Variants in TOP6BL observed in about 807,000 individuals in gnomAD.
The protein encoded by TOP6BL is type 2 DNA topoisomerase 6 subunit B-like.
chr11:66,820,765 G>A, the TOP6BL span, among the ~76,000 whole-genome samples: 1 of 152,116 alleles, frequency 6.6e-6, no homozygotes, highest in African/African-American at 2.4e-5. Flanking sequence ...TGGGATTGTT[G>A]TTTATAGTAC....
At chr11:66,838,399 G>A in the TOP6BL span, 6 of 1,613,802 alleles carry the variant, frequency 3.7e-6, no homozygotes, top group East Asian at 1.1e-4. Flanking sequence ...ACTCAGCCCA[G>A]GGCACTGAGG....
the TOP6BL span, among the ~76,000 whole-genome samples, chr11:66,757,709 C>G: frequency 6.6e-6 from 1 of 152,108 alleles, no homozygotes; most frequent in African/African-American, 2.4e-5. Flanking sequence ...GCCTCAGTCT[C>G]CCAAGTAGCT....
the TOP6BL span, among the ~76,000 whole-genome samples, chr11:66,770,937 C>T: frequency 1.7e-4 from 26 of 152,150 alleles, 1 homozygote; most frequent in South Asian, 5.2e-3. Flanking sequence ...TATTTCCAAG[C>T]TGCCAAGTGT....
chr11:66,781,299 A>G, the TOP6BL span, among the ~76,000 whole-genome samples: 1,352 of 151,744 alleles, frequency 8.9e-3, 22 homozygotes, highest in African/African-American at 0.03. Context: ...GTCTTCAGTG[A>G]TTTTACTGAC....
the TOP6BL span, among the ~76,000 whole-genome samples, chr11:66,764,026 T>C: frequency 2.0e-5 from 3 of 152,210 alleles, no homozygotes; most frequent in Non-Finnish European, 2.9e-5. Flanking sequence ...TGTGCTCCAC[T>C]TAAAGGTAGT....
chr11:66,804,283 T>A, the TOP6BL span: 1 of 982,094 alleles, frequency 1.0e-6, no homozygotes, highest in South Asian at 1.9e-5. Flanking sequence ...GAATTCTGCA[T>A]CTACAAATAT....
At chr11:66,747,267 C>T in the TOP6BL span, among the ~76,000 whole-genome samples, 1 of 152,014 alleles carries the variant, frequency 6.6e-6, no homozygotes. Flanking sequence ...ATCTTGGAGT[C>T]CTGTTCAACT....
At chr11:66,829,740 T>C in the TOP6BL span, among the ~76,000 whole-genome samples, 3 of 151,172 alleles carry the variant, frequency 2.0e-5, no homozygotes, top group African/African-American at 7.3e-5. Flanking sequence ...AATAGAAAAA[T>C]TAGCCAGGCA....
the TOP6BL span, among the ~76,000 whole-genome samples, chr11:66,745,539 C>T: frequency 1.3e-5 from 2 of 152,216 alleles, no homozygotes; most frequent in African/African-American, 2.4e-5. Flanking sequence ...TTTCATTACC[C>T]ACTTTCACGG....
At chr11:66,798,796 C>T in the TOP6BL span, among the ~76,000 whole-genome samples, 1 of 151,532 alleles carries the variant, frequency 6.6e-6, no homozygotes, top group Admixed American at 6.6e-5. Context: ...ATTTTTTGGC[C>T]GGGCGTGGTG....
At chr11:66,800,742 A>T in the TOP6BL span, 1 of 1,467,908 alleles carries the variant, frequency 6.8e-7, no homozygotes, top group Non-Finnish European at 9.3e-7. Flanking sequence ...TGGCTCTGCA[A>T]TTTTTCTCAG....
the TOP6BL span, among the ~76,000 whole-genome samples, chr11:66,767,723 A>G: frequency 1.3e-5 from 2 of 152,184 alleles, no homozygotes; most frequent in Non-Finnish European, 1.5e-5. Context: ...TTACATGGCT[A>G]TGATAGTTCA....
chr11:66,826,505 AAC>A, the TOP6BL span, among the ~76,000 whole-genome samples: 2 of 152,196 alleles, frequency 1.3e-5, no homozygotes, highest in African/African-American at 2.4e-5. Flanking sequence ...CAAAGTGTAT[AAC>A]ACATTTATAA....
the TOP6BL span, chr11:66,788,117 C>T: frequency 7.1e-7 from 1 of 1,403,228 alleles, no homozygotes; most frequent in Admixed American, 1.7e-5. Context: ...TGGTTCTTAT[C>T]CAAACTGCTT....
chr11:66,804,769 C>G, the TOP6BL span, among the ~76,000 whole-genome samples: 1 of 151,906 alleles, frequency 6.6e-6, no homozygotes, highest in Non-Finnish European at 1.5e-5. Flanking sequence ...GAAACCCTGT[C>G]TACTAAAAAT....
At chr11:66,773,023 CT>C in the TOP6BL span, among the ~76,000 whole-genome samples, 1 of 151,962 alleles carries the variant, frequency 6.6e-6, no homozygotes, top group East Asian at 1.9e-4. Flanking sequence ...TTTTTCCTTC[CT>C]AGGAAATATT....
chr11:66,841,330 C>G, the TOP6BL span, among the ~76,000 whole-genome samples: 2 of 151,922 alleles, frequency 1.3e-5, no homozygotes, highest in Non-Finnish European at 2.9e-5. Context: ...GTTGGCCAAG[C>G]TGGTCTCAAT....
At chr11:66,747,943 T>G in the TOP6BL span, among the ~76,000 whole-genome samples, 34 of 152,282 alleles carry the variant, frequency 2.2e-4, 1 homozygote, top group Non-Finnish European at 2.5e-4. Flanking sequence ...TAAATAGTAT[T>G]CTGACCCTCA....
At chr11:66,758,218 ATAATTATTGCTC>A in the TOP6BL span, 1 of 776,906 alleles carries the variant, frequency 1.3e-6, no homozygotes. Flanking sequence ...TCTACCCTGA[ATAATTATTGCTC>A]TAAAATTTCT....
Sources: gnomAD v4.1 joint callset for allele counts (sites outside exome capture counted in the v4.1 genomes callset) on GRCh38, gnomAD v4.1.1 for gene constraint, MANE v1.5 for transcripts, NCBI Gene and HGNC (gene_info 2026-07-23, HGNC 2026-07-21) for gene names.